KAZN: variants seen among roughly 807,000 people sequenced by gnomAD.
The protein encoded by KAZN is kazrin.
KAZN carries 40 observed loss-of-function variants against 87.4 expected under a neutral mutation model. That is an observed-to-expected ratio of 0.46 (90% CI 0.36 to 0.60). The LOEUF is 0.60. Ranked by LOEUF, KAZN falls within the 20% of genes least tolerant of loss-of-function variation. The pLI is 0.00. For synonymous variants in KAZN, 466 were observed against 458.3 expected (o/e 1.02, Z -0.22); for missense variants, 898 against 1,073.9 (o/e 0.84, Z 2.29).
chr1:14,110,591 G>GTCCTGGCTTTTAGGAGAAAGA (rs1448415434), intron 1 of KAZN, among the ~76,000 whole-genome samples: 24 of 137,062 alleles, frequency 1.8e-4, no homozygotes, highest in South Asian at 9.6e-4. Context: ...TTATTTGCAT[G>GTCCTGGCTTTTAGGAGAAAGA]ACTTGGAATG....
At chr1:14,262,545 A>C (rs1231520376) in intron 2 of KAZN, among the ~76,000 whole-genome samples, 1 of 152,238 alleles carries the variant, frequency 6.6e-6, no homozygotes, top group Admixed American at 6.5e-5. Context: ...TTTAGCTCTC[A>C]CATTCCACAC....
intron 1 of KAZN, among the ~76,000 whole-genome samples, chr1:14,710,270 A>T (rs1284255858): frequency 6.6e-6 from 1 of 152,106 alleles, no homozygotes; most frequent in African/African-American, 2.4e-5. Flanking sequence ...AGCCACCATC[A>T]ACCCTCTCCT....
intron 2 of KAZN, among the ~76,000 whole-genome samples, chr1:14,588,172 G>A (rs1354436681): frequency 2.0e-5 from 3 of 152,178 alleles, no homozygotes; most frequent in Non-Finnish European, 4.4e-5. Flanking sequence ...ACCGGGTGTG[G>A]TGTAAGAATC....
chr1:14,298,394 T>C (rs1654287824), intron 2 of KAZN, among the ~76,000 whole-genome samples: 1 of 152,204 alleles, frequency 6.6e-6, no homozygotes, highest in South Asian at 2.1e-4. Flanking sequence ...AGATGGCTTG[T>C]GTATAAAAAC....
chr1:14,391,009 C>A (rs1662370665), intron 2 of KAZN, among the ~76,000 whole-genome samples: 1 of 152,190 alleles, frequency 6.6e-6, no homozygotes, highest in Non-Finnish European at 1.5e-5. Flanking sequence ...GGTGAAAGCC[C>A]TTGAAGATTC....
chr1:14,354,643 T>TAC (rs1553161318), intron 2 of KAZN, among the ~76,000 whole-genome samples: 3 of 71,212 alleles, frequency 4.2e-5, no homozygotes, highest in Non-Finnish European at 9.0e-5. Context: ...ATAGCTAAAT[T>TAC]AGACACACAC....
rs1263425493 is a variant in KAZN, at chr1:13,972,264, CTTTTT to C, written c.91+78510_91+78514del. On this transcript the variant is annotated intron_variant, in intron 1 of 16. Transcript: ENST00000636203. ...TGTAAAATGCCACCCTACTTTTTTTCTTTTTTCTTTTCTTTTTTTTTTTTTTTGAG... is the reference window on the plus strand; with the variant it reads ...TGTAAAATGCCACCCTACTTTTTTTCTCTTTTCTTTTTTTTTTTTTTTGAG... Among the ~76,000 whole-genome samples, 53 of 146,786 alleles carry C rather than the reference CTTTTT, an allele frequency of 3.6e-4. No individual in the cohort carries two copies. In the Middle Eastern group the frequency reaches 0.018, roughly 50 times the overall value.
In KAZN at chr1:15,101,491, T is replaced by A. The variant is rs1335613102; in HGVS notation, c.1548-52T>A. On this transcript the variant is annotated intron_variant, in intron 10 of 14. Transcript: ENST00000376030. ...CCACCCATTTCTGCCCGTCCGTCTG[T>A]TTCTGCCGCCTTTCCCCACCCATCC... The A allele has an allele frequency of 3.0e-6, 4 of 1,313,850 alleles. No individual in the cohort carries two copies. In the African/African-American group the frequency reaches 5.9e-5, roughly 19 times the overall value. The allele number at this position is 1,313,850 out of a possible 1,614,324, so 81.4% of individuals were successfully genotyped here. A position where few individuals can be genotyped will look rare whatever the true frequency, so the allele number is the denominator to read the frequency against.
chr1:15,010,961 C>T (rs1669517713), intron 2 of KAZN, among the ~76,000 whole-genome samples: 1 of 152,186 alleles, frequency 6.6e-6, no homozygotes, highest in African/African-American at 2.4e-5. Flanking sequence ...ATTTTAAAAG[C>T]TTCCATCATC....
chr1:14,019,210 C>T (rs188582834), intron 1 of KAZN, among the ~76,000 whole-genome samples: 20 of 152,244 alleles, frequency 1.3e-4, no homozygotes, highest in Middle Eastern at 3.4e-3. Flanking sequence ...TGAAAAACAC[C>T]ATATACCCCA....
chr1:14,095,731 A>G (rs1644112112), intron 1 of KAZN, among the ~76,000 whole-genome samples: 1 of 152,150 alleles, frequency 6.6e-6, no homozygotes, highest in Non-Finnish European at 1.5e-5. Flanking sequence ...TGCAGCCTCA[A>G]ACTTCTTACA....
At chr1:14,118,021 C>T (rs765257001) in intron 1 of KAZN, among the ~76,000 whole-genome samples, 3 of 152,198 alleles carry the variant, frequency 2.0e-5, no homozygotes, top group African/African-American at 4.8e-5. Flanking sequence ...CCTCTGGAAC[C>T]TAATCCCATG....
chr1:14,036,771 T>A (rs4662077), intron 1 of KAZN, among the ~76,000 whole-genome samples: 5,637 of 151,954 alleles, frequency 0.037, 161 homozygotes, highest in Non-Finnish European at 0.059. Context: ...TTTATTTATT[T>A]ATTATTATTA....
intron 1 of KAZN, among the ~76,000 whole-genome samples, chr1:14,746,354 C>T (rs547961429): frequency 6.6e-6 from 1 of 152,230 alleles, no homozygotes; most frequent in Middle Eastern, 3.4e-3. Flanking sequence ...CTCTTCTCCA[C>T]CACTCAATAA....
In KAZN at chr1:15,034,706, G is replaced by C. The variant is rs377001996; in HGVS notation, c.419-43G>C. 6.8e-5 allele frequency: 110 copies of C among 1,611,482 alleles called. No individual in the cohort carries two copies. In the African/African-American group the frequency reaches 1.3e-3, roughly 20 times the overall value. On this transcript the variant is annotated intron_variant, in intron 2 of 14. Coordinates refer to ENST00000376030, the MANE Select transcript of KAZN (RefSeq NM_201628.3). Reference sequence around the variant, plus strand: ...TCTCAGCACTCAGGCATCTGGAGAGGACAGCTGGGGTCTTGGGAACTAACT... The same window carrying C: ...TCTCAGCACTCAGGCATCTGGAGAGCACAGCTGGGGTCTTGGGAACTAACT...
chr1:14,270,077 C>T (rs1027312878), intron 2 of KAZN, among the ~76,000 whole-genome samples: 4 of 152,154 alleles, frequency 2.6e-5, no homozygotes, highest in Non-Finnish European at 5.9e-5. Flanking sequence ...AAACACCTCC[C>T]CTAGACCCCA....
At chr1:14,311,701 A>G (rs1655312504) in intron 2 of KAZN, among the ~76,000 whole-genome samples, 1 of 152,120 alleles carries the variant, frequency 6.6e-6, no homozygotes, top group Admixed American at 6.5e-5. Context: ...GAATTAATAA[A>G]TATTGGATGG....
At chr1:15,009,050 C>T (rs1669320117) in intron 2 of KAZN, among the ~76,000 whole-genome samples, 1 of 152,224 alleles carries the variant, frequency 6.6e-6, no homozygotes, top group African/African-American at 2.4e-5. Flanking sequence ...TGCACACGAG[C>T]CCGCCCGCTG....
At chr1:14,443,439 T>C (rs1325132436) in intron 2 of KAZN, among the ~76,000 whole-genome samples, 2 of 152,206 alleles carry the variant, frequency 1.3e-5, no homozygotes, top group Non-Finnish European at 1.5e-5. Context: ...TTTGCTCCAG[T>C]AATGAAATAA....
Sources: gnomAD v4.1 joint callset for allele counts (sites outside exome capture counted in the v4.1 genomes callset) on GRCh38, gnomAD v4.1.1 for gene constraint, MANE v1.5 for transcripts, NCBI Gene and HGNC (gene_info 2026-07-23, HGNC 2026-07-21) for gene names.